ZFAND3: variants seen among roughly 807,000 people sequenced by gnomAD.
ZFAND3 encodes AN1-type zinc finger protein 3.
ZFAND3 carries 10 observed loss-of-function variants against 29.6 expected under a neutral mutation model. The observed-to-expected ratio is 0.34, with a 90% CI of 0.21 to 0.57. The LOEUF (loss-of-function observed/expected upper bound fraction) is 0.57, where lower values mean the gene tolerates loss of function less well. ZFAND3 is among the 20% of genes least tolerant of loss of function. The pLI is 0.86. For synonymous variants in ZFAND3, 128 were observed against 112.6 expected (o/e 1.14, Z -0.87); for missense variants, 230 against 304.5 (o/e 0.76, Z 1.82).
chr6:37,960,232 A>G lies in ZFAND3; in HGVS notation c.112+30233A>G, dbSNP rs117306520. The stretch of plus-strand genomic sequence containing the variant: ...CACACTGAGCTGGTCAGCTTTAGGC[A>G]CACTGACCAGCCAACTCACTCATGC... On this transcript the variant is annotated intron_variant, in intron 2 of 5. Coordinates refer to ENST00000287218, the MANE Select transcript of ZFAND3 (RefSeq NM_021943.3). Among the ~76,000 whole-genome samples, 760 of 152,344 alleles carry G rather than the reference A, an allele frequency of 5.0e-3. 55 individuals are homozygous for G. In the East Asian group the frequency reaches 0.13, roughly 26 times the overall value.
intron 1 of ZFAND3, among the ~76,000 whole-genome samples, chr6:37,828,205 G>C (rs1763793780): frequency 6.6e-6 from 1 of 152,196 alleles, no homozygotes; most frequent in Non-Finnish European, 1.5e-5. Flanking sequence ...CCTGTAGTCA[G>C]CTTCTTTGTC....
At chr6:37,977,234 T>C (rs1025959152) in intron 2 of ZFAND3, among the ~76,000 whole-genome samples, 3 of 152,222 alleles carry the variant, frequency 2.0e-5, no homozygotes, top group Non-Finnish European at 2.9e-5. Context: ...AATGTTGTGT[T>C]ACGTCGTATA....
In ZFAND3 at chr6:37,839,143, A is replaced by G. The variant is rs561382187; in HGVS notation, c.71+19127A>G. 2.0e-5 allele frequency among the ~76,000 whole-genome samples: 3 copies of G among 152,236 alleles called. No individual in the cohort carries two copies. The East Asian group carries it at 5.8e-4, about 29-fold the overall frequency. ...TCTGTTTAAATATTTTGCATGTTTT[A>G]AAATTGAGTTGTATGCCTTTTTACT... On this transcript the variant is annotated intron_variant, in intron 1 of 5. Transcript: ENST00000287218.
intron 1 of ZFAND3, among the ~76,000 whole-genome samples, chr6:37,831,355 A>G (rs1763857856): frequency 6.6e-6 from 1 of 152,218 alleles, no homozygotes; most frequent in African/African-American, 2.4e-5. Flanking sequence ...TTAATTGGTG[A>G]AGTTTCTGAC....
intron 1 of ZFAND3, among the ~76,000 whole-genome samples, chr6:37,821,326 A>G (rs1450216530): frequency 6.6e-6 from 1 of 152,244 alleles, no homozygotes; most frequent in Non-Finnish European, 1.5e-5. Context: ...GTGGAAGGAC[A>G]TTAGTCAAAA....
chr6:38,143,543 G>A (rs1324440874), intron 5 of ZFAND3, among the ~76,000 whole-genome samples: 1 of 152,260 alleles, frequency 6.6e-6, no homozygotes. Context: ...TTATTTGGGG[G>A]AAAGCAGATG....
At chr6:37,924,942 G>T (rs575253269) in intron 1 of ZFAND3, among the ~76,000 whole-genome samples, 1 of 152,074 alleles carries the variant, frequency 6.6e-6, no homozygotes, top group Non-Finnish European at 1.5e-5. Context: ...GAACAGCATG[G>T]GCATGAGCCC....
intron 1 of ZFAND3, among the ~76,000 whole-genome samples, chr6:37,858,140 T>C (rs1236104073): frequency 6.6e-6 from 1 of 152,132 alleles, no homozygotes; most frequent in Non-Finnish European, 1.5e-5. Flanking sequence ...TCCTGTGTAG[T>C]TGCCCTTGTT....
chr6:37,950,851 G>C lies in ZFAND3; in HGVS notation c.112+20852G>C, dbSNP rs188258635. 3.1e-3 allele frequency among the ~76,000 whole-genome samples: 470 copies of C among 152,170 alleles called. 3 individuals carry two copies. The highest frequency in any genetic ancestry group is 0.011 in the African/African-American group (447 of 41,514). On this transcript the variant is annotated intron_variant, in intron 2 of 5. Coordinates refer to ENST00000287218, the MANE Select transcript of ZFAND3 (RefSeq NM_021943.3). The stretch of plus-strand genomic sequence containing the variant: ...GCTTAGGATTGCTTTGGTTATTCTG[G>C]CTCTTTTTTGGTTCCATATGAATTT...
intron 2 of ZFAND3, among the ~76,000 whole-genome samples, chr6:37,998,626 G>T (rs1428763607): frequency 6.6e-6 from 1 of 152,280 alleles, no homozygotes; most frequent in East Asian, 1.9e-4. Context: ...ACCTGCACCT[G>T]AGTATTGTAT....
intron 3 of ZFAND3, among the ~76,000 whole-genome samples, chr6:38,063,770 G>T (rs566129000): frequency 2.0e-5 from 3 of 152,318 alleles, no homozygotes; most frequent in African/African-American, 7.2e-5. Flanking sequence ...AAGCTATTTG[G>T]ACTTGAGACA....
intron 1 of ZFAND3, among the ~76,000 whole-genome samples, chr6:37,828,945 C>T (rs556110008): frequency 3.9e-5 from 6 of 152,108 alleles, no homozygotes; most frequent in South Asian, 4.2e-4. Context: ...CCACTATGCC[C>T]GGCCTGGATG....
At chr6:38,123,089 A>T (rs1302137546) in intron 5 of ZFAND3, among the ~76,000 whole-genome samples, 2 of 152,222 alleles carry the variant, frequency 1.3e-5, no homozygotes, top group Non-Finnish European at 2.9e-5. Context: ...ATCTAATCTG[A>T]CTTTTAGAAA....
chr6:37,854,001 G>T (rs1317578780), intron 1 of ZFAND3, among the ~76,000 whole-genome samples: 1 of 151,990 alleles, frequency 6.6e-6, no homozygotes, highest in Non-Finnish European at 1.5e-5. Flanking sequence ...GCCCAGGCTG[G>T]AGTGCAATGG....
In ZFAND3 at chr6:37,891,416, T is replaced by TCCCCCG. The variant is rs368358350; in HGVS notation, c.72-38538_72-38537insGCCCCC. On this transcript the variant is annotated intron_variant, in intron 1 of 5. Transcript: ENST00000287218. ...TTTGACAAATAGTTGGAGATTTCAG[T>TCCCCCG]CCCCCCCCCCGCCTTTAAAATACAA... Among the ~76,000 whole-genome samples, 15 of 117,198 alleles carry TCCCCCG rather than the reference T, an allele frequency of 1.3e-4. No homozygotes were observed. The East Asian group carries it at 2.9e-3, about 23-fold the overall frequency. The allele number at this position is 117,198 out of a possible 152,430, so 76.9% of individuals were successfully genotyped here. A position where few individuals can be genotyped will look rare whatever the true frequency, so the allele number is the denominator to read the frequency against.
intron 5 of ZFAND3, among the ~76,000 whole-genome samples, chr6:38,118,775 AAAC>A (rs1765470146): frequency 6.6e-6 from 1 of 151,486 alleles, no homozygotes; most frequent in South Asian, 2.1e-4. Context: ...AAAAAAAAAA[AAAC>A]AGTAATATAT....
chr6:38,061,035 A>G lies in ZFAND3; in HGVS notation c.113-558A>G, dbSNP rs545468723. On this transcript the variant is annotated intron_variant, in intron 2 of 5. Coordinates refer to ENST00000287218, the MANE Select transcript of ZFAND3 (RefSeq NM_021943.3). ...ATGTTCAAGGATTAACTATACTTTA[A>G]CATTTTGTTTATCCTCTCATATTTA... Among the ~76,000 whole-genome samples, 107 of 152,316 alleles carry G rather than the reference A, an allele frequency of 7.0e-4. 1 individual carries two copies. The highest frequency in any genetic ancestry group is 1.1e-3 in the Non-Finnish European group (74 of 68,032).
chr6:38,060,162 T>G (rs1764206463), intron 2 of ZFAND3, among the ~76,000 whole-genome samples: 1 of 152,094 alleles, frequency 6.6e-6, no homozygotes, highest in African/African-American at 2.4e-5. Context: ...GCTGGTTCAG[T>G]AGGGCTGACT....
At chr6:38,036,906 A>G (rs1458749749) in intron 2 of ZFAND3, among the ~76,000 whole-genome samples, 2 of 152,186 alleles carry the variant, frequency 1.3e-5, no homozygotes, top group Admixed American at 1.3e-4. Flanking sequence ...GAGCCACCAT[A>G]GCCAGTCTTA....
Sources: gnomAD v4.1 joint callset for allele counts (sites outside exome capture counted in the v4.1 genomes callset) on GRCh38, gnomAD v4.1.1 for gene constraint, MANE v1.5 for transcripts, NCBI Gene and HGNC (gene_info 2026-07-23, HGNC 2026-07-21) for gene names.